DLG2: variants seen among roughly 807,000 people sequenced by gnomAD.
The protein encoded by DLG2 is disks large homolog 2.
A neutral mutation model predicts 132.5 loss-of-function variants in DLG2; 45 were observed. That is an observed-to-expected ratio of 0.34 (90% confidence interval 0.27 to 0.44). The LOEUF (loss-of-function observed/expected upper bound fraction) is 0.44, where lower values mean the gene tolerates loss of function less well. DLG2 is among the 20% of genes least tolerant of loss of function. DLG2 has a pLI of 1.00. For missense variants in DLG2, 1,045 were observed against 1,196.9 expected (o/e 0.87, Z 1.87); for synonymous variants, 424 against 419.6 (o/e 1.01, Z -0.13).
intron 6 of DLG2, among the ~76,000 whole-genome samples, chr11:84,964,010 T>G (rs1419846399): frequency 2.6e-5 from 4 of 152,110 alleles, no homozygotes; most frequent in African/African-American, 7.2e-5. Flanking sequence ...TAAAATATAT[T>G]TCCACTTAAT....
At chr11:84,149,739 T>C (rs562957037) in intron 9 of DLG2, among the ~76,000 whole-genome samples, 9 of 152,234 alleles carry the variant, frequency 5.9e-5, no homozygotes, top group African/African-American at 1.2e-4. Flanking sequence ...TTTATTTATT[T>C]ATTCATTCAT....
chr11:84,086,565 C>G (rs1594930131), intron 10 of DLG2, among the ~76,000 whole-genome samples: 1 of 149,078 alleles, frequency 6.7e-6, no homozygotes, highest in South Asian at 2.1e-4. Flanking sequence ...TCATGGCTCA[C>G]TGCAGCCTTA....
chr11:84,661,119 T>C (rs2099694020), intron 6 of DLG2, among the ~76,000 whole-genome samples: 1 of 152,208 alleles, frequency 6.6e-6, no homozygotes, highest in African/African-American at 2.4e-5. Context: ...CCAGGTAAAG[T>C]CACCTGCAAT....
At chr11:83,907,005 C>T (rs1229736940) in intron 15 of DLG2, among the ~76,000 whole-genome samples, 1 of 152,068 alleles carries the variant, frequency 6.6e-6, no homozygotes. Context: ...GAAGGAAGAG[C>T]CAGTTTCTTC....
At chr11:85,155,785 A>G (rs116877566) in intron 4 of DLG2, among the ~76,000 whole-genome samples, 14,226 of 151,352 alleles carry the variant, frequency 0.094, 916 homozygotes, top group African/African-American at 0.18. Flanking sequence ...CAGGAGAGTC[A>G]CTTGAACCAG....
intron 3 of DLG2, among the ~76,000 whole-genome samples, chr11:85,557,203 T>C (rs1023345030): frequency 6.6e-6 from 1 of 151,684 alleles, no homozygotes; most frequent in African/African-American, 2.4e-5. Flanking sequence ...CCCTTTACAA[T>C]AACCACACTA....
intron 7 of DLG2, among the ~76,000 whole-genome samples, chr11:84,372,260 C>T (rs2098709597): frequency 6.6e-6 from 1 of 152,108 alleles, no homozygotes; most frequent in African/African-American, 2.4e-5. Flanking sequence ...ATAATATTAA[C>T]ATCACAATTT....
At chr11:83,823,603 T>C (rs1026540797) in intron 17 of DLG2, among the ~76,000 whole-genome samples, 1 of 152,034 alleles carries the variant, frequency 6.6e-6, no homozygotes, top group Admixed American at 6.6e-5. Flanking sequence ...CTGAGAGGGG[T>C]CCTAGGATTT....
intron 21 of DLG2, among the ~76,000 whole-genome samples, chr11:83,522,682 A>C (rs1484240463): frequency 1.3e-5 from 2 of 152,104 alleles, no homozygotes; most frequent in Admixed American, 6.6e-5. Flanking sequence ...GCCTTCAAGG[A>C]ACTTGCTATC....
chr11:84,138,585 A>T (rs1002627269), intron 9 of DLG2, among the ~76,000 whole-genome samples: 4 of 152,224 alleles, frequency 2.6e-5, no homozygotes, highest in Non-Finnish European at 5.9e-5. Context: ...AATAGTTCTC[A>T]CAAAATATTT....
chr11:85,397,587 T>A lies in DLG2; in HGVS notation c.41-112222A>T, dbSNP rs189898693. ...CAAAATAAAGGGATGGAGGAAGATA[T>A]ACCAAGCAAATGGAAAGCAAAAAAA... is the stretch of plus-strand genomic sequence containing the variant. On this transcript the variant is annotated intron_variant, in intron 3 of 27. Transcript: ENST00000376104. Among the ~76,000 whole-genome samples, 4 of 152,038 alleles carry A rather than the reference T, an allele frequency of 2.6e-5. No individual in the cohort carries two copies. In the South Asian group the frequency reaches 8.3e-4, roughly 31 times the overall value.
chr11:83,945,948 CCTT>C (rs2154142915), intron 14 of DLG2, among the ~76,000 whole-genome samples: 1 of 148,074 alleles, frequency 6.8e-6, no homozygotes, highest in African/African-American at 2.5e-5. Flanking sequence ...TTCCTTCCTT[CCTT>C]CCTTTCCTTC....
At chr11:85,584,556 T>C (rs189084891) in intron 3 of DLG2, among the ~76,000 whole-genome samples, 22 of 152,340 alleles carry the variant, frequency 1.4e-4, no homozygotes, top group African/African-American at 4.6e-4. Context: ...ATGATAGTTC[T>C]ACTTTTAGTT....
chr11:83,931,457 C>T (rs1565691093), intron 14 of DLG2, among the ~76,000 whole-genome samples: 1 of 152,190 alleles, frequency 6.6e-6, no homozygotes, highest in Non-Finnish European at 1.5e-5. Context: ...ACTCTACAGA[C>T]TAAGAAAATG....
chr11:84,904,371 A>G (rs1022993219), intron 6 of DLG2, among the ~76,000 whole-genome samples: 1 of 152,210 alleles, frequency 6.6e-6, no homozygotes, highest in African/African-American at 2.4e-5. Flanking sequence ...CATGAACAAA[A>G]TAATATTCCA....
In DLG2 at chr11:85,325,832, G is replaced by A. The variant is rs2081425109; in HGVS notation, c.41-40467C>T. Among the ~76,000 whole-genome samples, 2 of 16,736 alleles carry A rather than the reference G, an allele frequency of 1.2e-4. 1 individual carries two copies. Among genetic ancestry groups the A allele is most frequent in the Admixed American group, 9.0e-4 (2 of 2,212 alleles). 11.0% of individuals were successfully genotyped at this position (16,736 alleles called of 152,430 possible). ...GATGATCAAATTACTCTGAGCTACG[G>A]GAGGACATTCAAACCAAAGGCAAAG... is the stretch of plus-strand genomic sequence containing the variant. On this transcript the variant is annotated intron_variant, in intron 3 of 27. Transcript: ENST00000376104.
At position 84,028,784 on chromosome 11, in the gene DLG2, C is replaced by T. The variant is rs528801556; in HGVS notation, c.919+30531G>A. Among the ~76,000 whole-genome samples the T allele has an allele frequency of 6.6e-5, 10 of 152,188 alleles. No homozygotes were observed. The South Asian group carries it at 1.0e-3, about 16-fold the overall frequency. ...AGCCTCAGTTCAACCTTCCTTTTCT[C>T]CCAGGTAGCAATAACCTCTCCTTCT... On this transcript the variant is annotated intron_variant, in intron 11 of 27. Coordinates refer to ENST00000376104, the MANE Select transcript of DLG2 (RefSeq NM_001142699.3).
intron 17 of DLG2, among the ~76,000 whole-genome samples, chr11:83,795,437 ATC>A (rs10658663): frequency 0.044 from 5,226 of 118,348 alleles, 309 homozygotes; most frequent in African/African-American, 0.15. Context: ...CTATATCTAT[ATC>A]TATATATCTA....
At chr11:84,241,001 C>T (rs2097218472) in intron 8 of DLG2, among the ~76,000 whole-genome samples, 1 of 152,204 alleles carries the variant, frequency 6.6e-6, no homozygotes, top group African/African-American at 2.4e-5. Context: ...GCTCTGTGCT[C>T]CATATGGATG....
Sources: allele counts gnomAD v4.1 joint callset (sites outside exome capture counted in the v4.1 genomes callset), GRCh38; gene constraint gnomAD v4.1.1; transcripts MANE v1.5; gene names NCBI Gene and HGNC (gene_info 2026-07-23, HGNC 2026-07-21).